Variants in USP7 observed in about 807,000 individuals in gnomAD.
The protein encoded by USP7 is ubiquitin C-terminal hydrolase 7.
USP7 carries 9 observed loss-of-function variants against 162.9 expected under a neutral mutation model. The ratio of observed to expected loss-of-function variants is 0.06; its 90% CI spans 0.03 to 0.10. The LOEUF (loss-of-function observed/expected upper bound fraction) is 0.10. Ranked by LOEUF, USP7 falls within the 10% of genes least tolerant of loss-of-function variation. USP7 has a pLI of 1.00. For missense variants in USP7, 715 were observed against 1,373.7 expected (o/e 0.52, Z 7.58); for synonymous variants, 562 against 475.9 (o/e 1.18, Z -2.35).
intron 7 of USP7, 65 bp downstream of exon 7, chr16:8,916,961 A>G: frequency 7.0e-7 from 1 of 1,431,978 alleles, no homozygotes; most frequent in South Asian, 1.5e-5. Context: ...TTCTCTACTC[A>G]CTTGTCCTAA....
intron 1 of USP7, among the ~76,000 whole-genome samples, chr16:8,933,894 T>C (rs2141237273): frequency 6.6e-6 from 1 of 152,246 alleles, no homozygotes; most frequent in Admixed American, 6.5e-5. Flanking sequence ...TAGCTAGGAT[T>C]ACAGCCGTGT....
chr16:8,943,372 T>G (rs1899132472), intron 1 of USP7, among the ~76,000 whole-genome samples: 1 of 151,320 alleles, frequency 6.6e-6, no homozygotes, highest in Admixed American at 6.6e-5. Context: ...GAAACAGGAT[T>G]ATCTGCTCAA....
chr16:8,913,335 A>G (rs370171292), intron 10 of USP7, among the ~76,000 whole-genome samples: 283 of 151,432 alleles, frequency 1.9e-3, no homozygotes, highest in African/African-American at 6.5e-3. Context: ...CAGCCTGGGC[A>G]ACAGAGCGAG....
In USP7 at chr16:8,963,392, G is replaced by GCCT. The variant is rs908624717; in HGVS notation, c.-110_-108dup. 1.2e-4 allele frequency: 24 copies of GCCT among 198,082 alleles called. No homozygotes were observed. The highest frequency in any genetic ancestry group is 2.0e-4 in the East Asian group (1 of 5,006). The allele number at this position is 198,082 out of a possible 1,614,324, so 12.3% of individuals were successfully genotyped here. On this transcript the variant is annotated 5_prime_UTR_variant, in exon 1 of 31. Transcript: ENST00000344836. ...CGGCGGCGGCGGCGGCGGCGGGGCGGCCTCCTCCTCCTCCTCCCGCGCGTC... is the reference window on the plus strand; with the variant it reads ...CGGCGGCGGCGGCGGCGGCGGGGCGGCCTCCTCCTCCTCCTCCTCCCGCGCGTC...
intron 15 of USP7, among the ~76,000 whole-genome samples, chr16:8,903,875 A>C (rs530563909): frequency 4.9e-4 from 74 of 152,130 alleles, no homozygotes; most frequent in South Asian, 1.9e-3. Context: ...CTCAAAAAAA[A>C]AAAAAAAGGA....
chr16:8,924,427 G>A (rs1172892741), intron 2 of USP7, among the ~76,000 whole-genome samples: 2 of 152,234 alleles, frequency 1.3e-5, no homozygotes, highest in African/African-American at 4.8e-5. Flanking sequence ...CTGACTGGCA[G>A]GAGTCCCAGG....
intron 14 of USP7, 101 bp downstream of exon 14, chr16:8,905,086 A>C: frequency 7.0e-7 from 1 of 1,432,030 alleles, no homozygotes; most frequent in Non-Finnish European, 9.7e-7. Context: ...CAATGGAATA[A>C]GCATAAAATG....
rs114863685 is a variant in USP7 at position 8,901,107 on chromosome 16, A to T, written c.2140+35T>A. 2.0e-4 allele frequency: 324 copies of T among 1,613,358 alleles called. No homozygotes were observed. In the African/African-American group the frequency reaches 4.0e-3, roughly 20 times the overall value. On this transcript the variant is annotated intron_variant, in intron 19 of 30. Coordinates refer to ENST00000344836, the MANE Select transcript of USP7 (RefSeq NM_003470.3). ...TGTGTAGCTGTAATGTACTGAGCAA[A>T]ATCTACTCAGAAGGTAAGTGCACGA...
intron 1 of USP7, among the ~76,000 whole-genome samples, chr16:8,938,845 C>G (rs191721608): frequency 6.6e-6 from 1 of 152,062 alleles, no homozygotes; most frequent in Non-Finnish European, 1.5e-5. Flanking sequence ...TTATAAGCCA[C>G]GTAGAGATAA....
intron 12 of USP7, among the ~76,000 whole-genome samples, 156 bp downstream of exon 12, chr16:8,908,185 C>T (rs1202752084): frequency 6.6e-6 from 1 of 152,158 alleles, no homozygotes; most frequent in African/African-American, 2.4e-5. Flanking sequence ...AAAATCATTC[C>T]TTTAACACTG....
At chr16:8,912,460 A>C (rs79622552) in intron 10 of USP7, among the ~76,000 whole-genome samples, 2,758 of 151,794 alleles carry the variant, frequency 0.018, 57 homozygotes, top group East Asian at 0.071. Context: ...AAAAAAAAAA[A>C]AAGAAAGAAA....
chr16:8,946,734 A>G (rs1899303503), intron 1 of USP7, among the ~76,000 whole-genome samples: 1 of 152,214 alleles, frequency 6.6e-6, no homozygotes, highest in Admixed American at 6.5e-5. Context: ...CGGCCTCCAC[A>G]CAGCCACTCA....
intron 20 of USP7, 32 bp from the exon 21 acceptor site, chr16:8,900,662 C>G: frequency 6.6e-7 from 1 of 1,514,970 alleles, no homozygotes; most frequent in Non-Finnish European, 9.1e-7. Flanking sequence ...TGTTACACTG[C>G]AAGTTTGTCT....
At chr16:8,934,821 T>C (rs1596397943) in intron 1 of USP7, among the ~76,000 whole-genome samples, 1 of 152,182 alleles carries the variant, frequency 6.6e-6, no homozygotes, top group African/African-American at 2.4e-5. Context: ...AACAGCCCTA[T>C]GGGTGTCCAA....
chr16:8,905,196 A>C lies in USP7; in HGVS notation c.1564T>G (p.Ser522Ala), dbSNP rs1414901969. The C allele has an allele frequency of 6.2e-7, 1 of 1,613,866 alleles. No homozygotes were observed. Among genetic ancestry groups the C allele is most frequent in the African/African-American group, 1.3e-5 (1 of 75,060 alleles). ...AGTGAACACTACTCACTCAGTTTTG[A>C]TTCCCTGATGTAGACTAACATGTAA... The part of the protein sequence containing the change: ...NAYMLVYIRE[S>A]KLSEVLQAVT... Residue 522 changes from serine to alanine, a missense_variant, in exon 14 of 31, where the codon TCA becomes GCA. Ser to Ala is a moderately conservative substitution (Grantham distance 99, BLOSUM62 1). Transcript: ENST00000344836.
chr16:8,913,966 G>A (rs2061991076), intron 10 of USP7, among the ~76,000 whole-genome samples: 1 of 151,802 alleles, frequency 6.6e-6, no homozygotes, highest in South Asian at 2.1e-4. Context: ...TCAAACTCCT[G>A]GGTTCAAGCA....
At chr16:8,932,268 A>G (rs1459210656) in intron 1 of USP7, among the ~76,000 whole-genome samples, 1 of 152,258 alleles carries the variant, frequency 6.6e-6, no homozygotes, top group South Asian at 2.1e-4. Flanking sequence ...TTAATGATGC[A>G]TTAAAAGTTA....
intron 1 of USP7, among the ~76,000 whole-genome samples, chr16:8,942,045 C>A (rs985599383): frequency 5.3e-5 from 8 of 152,250 alleles, no homozygotes; most frequent in Non-Finnish European, 1.2e-4. Flanking sequence ...TGCAAGAAGC[C>A]TGCCGGCCAG....
intron 1 of USP7, among the ~76,000 whole-genome samples, chr16:8,933,778 T>C (rs995485846): frequency 7.3e-5 from 11 of 150,598 alleles, no homozygotes; most frequent in Non-Finnish European, 1.0e-4. Context: ...TTTTTTGAGA[T>C]GGAGTCTTCC....
Sources: allele counts gnomAD v4.1 joint callset (sites outside exome capture counted in the v4.1 genomes callset), GRCh38; gene constraint gnomAD v4.1.1; transcripts MANE v1.5; gene names NCBI Gene and HGNC (gene_info 2026-07-23, HGNC 2026-07-21).